Variants in DEF6 observed in about 807,000 individuals in gnomAD.
DEF6 encodes the protein differentially expressed in FDCP 6 homolog.
A neutral mutation model predicts 80.5 loss-of-function variants in DEF6; 32 were observed. The observed-to-expected ratio is 0.40, with a 90% CI of 0.30 to 0.53. The LOEUF is 0.53. Among genes scored for constraint, DEF6 ranks in the 20% least tolerant of loss-of-function variants. DEF6 has a pLI of 0.57. For synonymous variants in DEF6, 300 were observed against 337.9 expected (o/e 0.89, Z 1.23); for missense variants, 575 against 818.7 (o/e 0.70, Z 3.63).
At chr6:35,299,571 A>G (rs1282074177) in intron 1 of DEF6, among the ~76,000 whole-genome samples, 1 of 151,174 alleles carries the variant, frequency 6.6e-6, no homozygotes, top group Non-Finnish European at 1.5e-5. Flanking sequence ...GCCACTACCC[A>G]CTCCCTCATC....
intron 2 of DEF6, 124 bp from the exon 3 acceptor site, chr6:35,310,335 T>G: frequency 1.0e-6 from 1 of 988,634 alleles, no homozygotes; most frequent in Non-Finnish European, 1.5e-6. Context: ...ATCCCTTGAG[T>G]TAGGGCCCTG....
chr6:35,316,542 T>C (rs1005008014), intron 5 of DEF6, among the ~76,000 whole-genome samples: 4 of 152,256 alleles, frequency 2.6e-5, no homozygotes, highest in African/African-American at 9.6e-5. Flanking sequence ...TGTGAGTTTG[T>C]CATAGATAGC....
At chr6:35,320,074 G>A (rs777288941) in intron 9 of DEF6, 57 bp downstream of exon 9, 244 of 1,510,016 alleles carry the variant, frequency 1.6e-4, no homozygotes, top group Non-Finnish European at 2.1e-4. Flanking sequence ...TTAGGGCACA[G>A]GCTCTGGAGC....
In DEF6 at chr6:35,312,266, T is replaced by A; in HGVS notation, c.424-36T>A. 5.7e-6 allele frequency: 9 copies of A among 1,591,112 alleles called. No individual in the cohort carries two copies. Among genetic ancestry groups the A allele is most frequent in the South Asian group, 1.1e-5 (1 of 89,692 alleles). On this transcript the variant is annotated intron_variant, in intron 3 of 10. Coordinates refer to ENST00000316637, the MANE Select transcript of DEF6 (RefSeq NM_022047.4). This position sits in a 1 kb window ranked among gnomAD's most constrained non-coding sequence, Gnocchi z 6.6. ...TGGTGTTGGTGCTGGCAACACCACC[T>A]GCTGCAGCTACCAGGCCTTCCTTCT... is the stretch of plus-strand genomic sequence containing the variant.
rs1791478884 is a variant in DEF6, at chr6:35,312,379, C to G, written c.501C>G (p.Ala167=). 1 of 1,613,964 alleles carries G rather than the reference C, an allele frequency of 6.2e-7. No individual in the cohort carries two copies. The highest frequency in any genetic ancestry group is 1.3e-5 in the African/African-American group (1 of 74,908). Residue 167 remains alanine, a synonymous_variant, in exon 4 of 11, where the codon GCC becomes GCG. Coordinates refer to ENST00000316637, the MANE Select transcript of DEF6 (RefSeq NM_022047.4). The surrounding 1 kb of genome is among the most constrained non-coding windows in gnomAD (Gnocchi z 6.6). ...VSLGELEELL[A]QEAQVAQTTG... is the part of the protein sequence containing the mutation. ...TGGGTGAGCTGGAGGAGCTTCTGGC[C>G]CAGGAGGCCCAGGTGGCCCAGACCA...
Position 35,317,872 on chromosome 6 carries a change from G to T in DEF6, c.808-19G>T, listed in dbSNP as rs1428818332. On this transcript the variant is annotated intron_variant, in intron 5 of 10. Transcript: ENST00000316637. ...ACCCAGTGAGGCCAGCCTGGCTGCG[G>T]CCACCTACCCTGTGCCAGGTGCTGC... 1.9e-6 allele frequency: 3 copies of T among 1,608,176 alleles called. No homozygotes were observed. Among genetic ancestry groups the T allele is most frequent in the Non-Finnish European group, 8.5e-7 (1 of 1,177,264 alleles).
Position 35,321,430 on chromosome 6 carries a change from C to T in DEF6, c.*20C>T. 1 of 1,601,352 alleles carries T rather than the reference C, an allele frequency of 6.2e-7. No individual in the cohort carries two copies. The highest frequency in any genetic ancestry group is 1.1e-5 in the South Asian group (1 of 90,580). On this transcript the variant is annotated 3_prime_UTR_variant, in exon 11 of 11. Coordinates refer to ENST00000316637, the MANE Select transcript of DEF6 (RefSeq NM_022047.4). ...AATTAGCCTCTCTTAGCCCCTTGTT[C>T]TTCCCAATGTCATATCCACCAGGAC...
intron 1 of DEF6, among the ~76,000 whole-genome samples, chr6:35,302,871 A>G (rs1791333524): frequency 6.6e-6 from 1 of 152,170 alleles, no homozygotes; most frequent in African/African-American, 2.4e-5. Flanking sequence ...TTGGAGTCAG[A>G]CCTTGGGCAA....
Position 35,318,622 on chromosome 6 carries a change from A to C in DEF6, c.1215+151A>C, listed in dbSNP as rs1791552123. ...GAGCTTGAAATGAGGGATTGTTGGG[A>C]CAGAGTCCGCGGGTTTGAAAAAGAG... On this transcript the variant is annotated intron_variant, in intron 7 of 10. Coordinates refer to ENST00000316637, the MANE Select transcript of DEF6 (RefSeq NM_022047.4). The surrounding 1 kb of genome is among the most constrained non-coding windows in gnomAD (Gnocchi z 5.1). The C allele has an allele frequency of 1.9e-5, 14 of 750,000 alleles. No individual in the cohort carries two copies. The East Asian group carries it at 5.1e-4, about 27-fold the overall frequency. 46.5% of individuals were successfully genotyped at this position (750,000 alleles called of 1,614,324 possible).
chr6:35,321,684 G>C lies in DEF6; in HGVS notation c.*274G>C. 1 of 330,780 alleles carries C rather than the reference G, an allele frequency of 3.0e-6. No individual in the cohort carries two copies. The highest frequency in any genetic ancestry group is 5.5e-6 in the Non-Finnish European group (1 of 182,306). The allele number at this position is 330,780 out of a possible 1,614,324, so 20.5% of individuals were successfully genotyped here. A position where few individuals can be genotyped will look rare whatever the true frequency, so the allele number is the denominator to read the frequency against. On this transcript the variant is annotated 3_prime_UTR_variant, in exon 11 of 11. Coordinates refer to ENST00000316637, the MANE Select transcript of DEF6 (RefSeq NM_022047.4). ...GACCCGATTCTTGGGCTAGGAAAGAGAGAACAAGCAAGCCGGGGCTACCTG... is the reference window on the plus strand; with the variant it reads ...GACCCGATTCTTGGGCTAGGAAAGACAGAACAAGCAAGCCGGGGCTACCTG...
chr6:35,321,563 C>A lies in DEF6; in HGVS notation c.*153C>A, dbSNP rs1301877720. 2.2e-5 allele frequency: 14 copies of A among 642,692 alleles called. No homozygotes were observed. Among genetic ancestry groups the A allele is most frequent in the Non-Finnish European group, 3.4e-5 (13 of 379,340 alleles). The allele number at this position is 642,692 out of a possible 1,614,324, so 39.8% of individuals were successfully genotyped here. A position where few individuals can be genotyped will look rare whatever the true frequency, so the allele number is the denominator to read the frequency against. On this transcript the variant is annotated 3_prime_UTR_variant, in exon 11 of 11. Coordinates refer to ENST00000316637, the MANE Select transcript of DEF6 (RefSeq NM_022047.4). ...CAACCATAAACAGTCCAGGATGGAACCTGGTTCACCCTTCATACCAGCTCC... is the reference window on the plus strand; with the variant it reads ...CAACCATAAACAGTCCAGGATGGAAACTGGTTCACCCTTCATACCAGCTCC...
chr6:35,300,671 G>A (rs1481888577), intron 1 of DEF6, among the ~76,000 whole-genome samples: 2 of 152,326 alleles, frequency 1.3e-5, no homozygotes, highest in South Asian at 2.1e-4. Flanking sequence ...AAACCAATAG[G>A]AATGGCACTC....
intron 9 of DEF6, among the ~76,000 whole-genome samples, chr6:35,320,535 G>A (rs993910723): frequency 1.3e-5 from 2 of 152,202 alleles, no homozygotes; most frequent in African/African-American, 4.8e-5. Context: ...TAGAGCTCAA[G>A]TGTATCCCTG....
At chr6:35,305,347 G>A (rs1791375177) in intron 1 of DEF6, among the ~76,000 whole-genome samples, 1 of 151,446 alleles carries the variant, frequency 6.6e-6, no homozygotes, top group Admixed American at 6.6e-5. Flanking sequence ...TAACTTAGCT[G>A]AGCATGGTGA....
chr6:35,303,915 C>G (rs1791357812), intron 1 of DEF6, among the ~76,000 whole-genome samples: 1 of 152,116 alleles, frequency 6.6e-6, no homozygotes, highest in East Asian at 1.9e-4. Flanking sequence ...GGTGGATCAC[C>G]TAAGTCAGGG....
At chr6:35,305,558 T>G (rs1006969081) in intron 1 of DEF6, among the ~76,000 whole-genome samples, 21 of 152,030 alleles carry the variant, frequency 1.4e-4, no homozygotes, top group African/African-American at 3.4e-4. Context: ...AATTTTTTTT[T>G]TGTGGGGGTG....
Position 35,321,482 on chromosome 6 carries a change from C to A in DEF6, c.*72C>A. 7.0e-7 allele frequency: 1 copy of A among 1,421,298 alleles called. No individual in the cohort carries two copies. The highest frequency in any genetic ancestry group is 9.7e-7 in the Non-Finnish European group (1 of 1,030,638). 88.0% of individuals were successfully genotyped at this position (1,421,298 alleles called of 1,614,324 possible). A position where few individuals can be genotyped will look rare whatever the true frequency, so the allele number is the denominator to read the frequency against. ...TGGCCACAGCTGGCCTGTGGGTGAT[C>A]CCAGCTCTTACTAGGAGAGGGAGCT... On this transcript the variant is annotated 3_prime_UTR_variant, in exon 11 of 11. Transcript: ENST00000316637.
At chr6:35,315,041 G>T (rs1192963502) in intron 5 of DEF6, among the ~76,000 whole-genome samples, 4 of 152,180 alleles carry the variant, frequency 2.6e-5, no homozygotes, top group Admixed American at 2.0e-4. Context: ...TTTCCCCATT[G>T]TGTGTTCCTG....
In DEF6 at chr6:35,318,114, T is replaced by G; in HGVS notation, c.917-59T>G. 6.5e-7 allele frequency: 1 copy of G among 1,536,272 alleles called. No individual in the cohort carries two copies. The highest frequency in any genetic ancestry group is 8.8e-7 in the Non-Finnish European group (1 of 1,142,150). ...TTGGAGAGTGGACTCGGGAAACTCC[T>G]AAGGCCCCTTTCGGGCCGTGTGCGA... On this transcript the variant is annotated intron_variant, in intron 6 of 10. Coordinates refer to ENST00000316637, the MANE Select transcript of DEF6 (RefSeq NM_022047.4). This position sits in a 1 kb window ranked among gnomAD's most constrained non-coding sequence, Gnocchi z 5.1.
Sources: allele counts gnomAD v4.1 joint callset (sites outside exome capture counted in the v4.1 genomes callset), GRCh38; gene constraint gnomAD v4.1.1; non-coding constraint Gnocchi (gnomAD v3.1); transcripts MANE v1.5; gene names NCBI Gene and HGNC (gene_info 2026-07-23, HGNC 2026-07-21).